The following CROT variants were observed in gnomAD, a reference collection of about 807,000 sequenced individuals.
The protein encoded by CROT is peroxisomal carnitine O-octanoyltransferase.
CROT carries 84 observed loss-of-function variants against 89.2 expected under a neutral mutation model. The ratio of observed to expected loss-of-function variants is 0.94; its 90% CI spans 0.79 to 1.13. CROT has a LOEUF of 1.13. Among genes scored for constraint, CROT ranks in the 50% most tolerant of loss-of-function variants. The pLI is 0.00. For missense variants in CROT, 711 were observed against 727.8 expected, an observed-to-expected ratio of 0.98 and a Z score of 0.27; for synonymous variants, 212 against 239.5, an observed-to-expected ratio of 0.89 and a Z score of 1.06.
At chr7:87,371,470 G>C (rs769986344) in intron 7 of CROT, among the ~76,000 whole-genome samples, 8 of 152,034 alleles carry the variant, frequency 5.3e-5, no homozygotes, top group Non-Finnish European at 1.2e-4. Context: ...TCCATTTGTT[G>C]CTATAACAAA....
intron 3 of CROT, among the ~76,000 whole-genome samples, chr7:87,355,668 C>T (rs1392895184): frequency 6.6e-6 from 1 of 152,080 alleles, no homozygotes; most frequent in East Asian, 1.9e-4. Flanking sequence ...TAGCGAGACA[C>T]AGACAGCAAA....
chr7:87,398,601 C>T lies in CROT; in HGVS notation c.1796C>T (p.Ala599Val). 6.2e-7 allele frequency: 1 copy of T among 1,613,688 alleles called. No individual in the cohort carries two copies. The highest frequency in any genetic ancestry group is 1.7e-4 in the Middle Eastern group (1 of 6,056). Residue 599 changes from alanine to valine, a missense_variant, in exon 18 of 18, where the codon GCT becomes GTT. By Grantham distance (64) the Ala-to-Val change is moderately conservative (BLOSUM62 0). Coordinates refer to ENST00000331536, the MANE Select transcript of CROT (RefSeq NM_021151.4). Reference sequence around the variant, plus strand: ...AAGCTAGTTCAGCTGACTTTTTGTGCTTTTCATGATATGATACAGCTGATG... The same window carrying T: ...AAGCTAGTTCAGCTGACTTTTTGTGTTTTTCATGATATGATACAGCTGATG... ...AEKLVQLTFC[A>V]FHDMIQLMNS...
At chr7:87,374,191 T>C (rs1226917402) in intron 7 of CROT, among the ~76,000 whole-genome samples, 1 of 152,094 alleles carries the variant, frequency 6.6e-6, no homozygotes, top group Non-Finnish European at 1.5e-5. Context: ...GATGTGTAGC[T>C]GAAAAACAGG....
At chr7:87,385,965 G>C (rs976521237) in intron 13 of CROT, among the ~76,000 whole-genome samples, 2 of 152,094 alleles carry the variant, frequency 1.3e-5, no homozygotes, top group African/African-American at 4.8e-5. Context: ...TTATTCTGTT[G>C]ATGTGATATA....
chr7:87,368,570 T>G (rs1172103735), intron 6 of CROT, among the ~76,000 whole-genome samples: 1 of 152,214 alleles, frequency 6.6e-6, no homozygotes, highest in Non-Finnish European at 1.5e-5. Context: ...TCATAGTTGA[T>G]GAAAAGATTT....
chr7:87,361,608 G>A, intron 5 of CROT, 37 bp downstream of exon 5: 1 of 1,553,028 alleles, frequency 6.4e-7, no homozygotes, highest in African/African-American at 1.4e-5. Context: ...AGGCTTACCT[G>A]AAGTCTCAGG....
chr7:87,384,394 T>G (rs936505839), intron 13 of CROT, among the ~76,000 whole-genome samples: 7 of 152,134 alleles, frequency 4.6e-5, no homozygotes, highest in African/African-American at 1.7e-4. Flanking sequence ...TAGCCTGATG[T>G]AGGGGCACAT....
rs1290956668 is a variant in CROT, at chr7:87,399,590, GTAT to G, written c.*950_*952del. On this transcript the variant is annotated 3_prime_UTR_variant, in exon 18 of 18. Coordinates refer to ENST00000331536, the MANE Select transcript of CROT (RefSeq NM_021151.4). ...AAACCGTAACAAAATTCATTGTGGT[GTAT>G]TATAATTAGTTTTGTGAATAGAAAA... 1 of 152,164 alleles carries G rather than the reference GTAT, an allele frequency of 6.6e-6. No individual in the cohort carries two copies. Among genetic ancestry groups the G allele is most frequent in the Non-Finnish European group, 1.5e-5 (1 of 68,016 alleles). 9.4% of individuals were successfully genotyped at this position (152,164 alleles called of 1,614,324 possible). A position where few individuals can be genotyped will look rare whatever the true frequency, so the allele number is the denominator to read the frequency against.
chr7:87,382,589 G>T (rs374007097), intron 13 of CROT, 46 bp downstream of exon 13: 17 of 1,552,770 alleles, frequency 1.1e-5, no homozygotes, highest in African/African-American at 4.2e-5. Flanking sequence ...AAGTCCAAGG[G>T]TATATCTTTT....
At chr7:87,361,369 G>A in intron 4 of CROT, 21 bp from the exon 5 acceptor site, 7 of 1,603,352 alleles carry the variant, frequency 4.4e-6, no homozygotes, top group Non-Finnish European at 6.0e-6. Context: ...ACATTAAGCT[G>A]ATGTTCTCAA....
chr7:87,378,173 G>A (rs1268999953), intron 10 of CROT, among the ~76,000 whole-genome samples: 3 of 151,716 alleles, frequency 2.0e-5, no homozygotes, highest in Non-Finnish European at 4.4e-5. Flanking sequence ...ATGAAACCCC[G>A]TCTCTACAAA....
chr7:87,379,640 C>T (rs1400937790), intron 10 of CROT, among the ~76,000 whole-genome samples: 1 of 152,178 alleles, frequency 6.6e-6, no homozygotes, highest in Non-Finnish European at 1.5e-5. Flanking sequence ...CATAACTGAA[C>T]TGCTTTTTTA....
At position 87,382,405 on chromosome 7, in the gene CROT, C is replaced by G. The variant is rs1807040449; in HGVS notation, c.1171-8C>G. 1 of 1,608,104 alleles carries G rather than the reference C, an allele frequency of 6.2e-7. No individual in the cohort carries two copies. Among genetic ancestry groups the G allele is most frequent in the Non-Finnish European group, 8.5e-7 (1 of 1,178,206 alleles). ...TTTTCACCGTTCTCATTTAATTCTT[C>G]TTGTTAGGCATCTGATCTACAGATT... On this transcript the variant is annotated splice_region_variant and splice_polypyrimidine_tract_variant and intron_variant, in intron 12 of 17. Transcript: ENST00000331536.
Position 87,398,766 on chromosome 7 carries a change from A to G in CROT, c.*122A>G, listed in dbSNP as rs541090724. ...TAACATTCCTTTAACAAGTTAAGAA[A>G]ACTTGTTAAATGTAGAAATTAGTAG... is the stretch of plus-strand genomic sequence containing the variant. On this transcript the variant is annotated 3_prime_UTR_variant, in exon 18 of 18. Coordinates refer to ENST00000331536, the MANE Select transcript of CROT (RefSeq NM_021151.4). The G allele has an allele frequency of 1.4e-5, 13 of 908,366 alleles. No homozygotes were observed. In the South Asian group the frequency reaches 2.2e-4, roughly 16 times the overall value. The allele number at this position is 908,366 out of a possible 1,614,324, so 56.3% of individuals were successfully genotyped here.
intron 9 of CROT, among the ~76,000 whole-genome samples, chr7:87,376,583 AT>A (rs1174233673): frequency 2.6e-5 from 4 of 152,086 alleles, no homozygotes; most frequent in Non-Finnish European, 5.9e-5. Context: ...TCGGTATTAA[AT>A]AATAGGAAAA....
chr7:87,356,154 T>C (rs1806061537), intron 3 of CROT, among the ~76,000 whole-genome samples: 1 of 152,116 alleles, frequency 6.6e-6, no homozygotes, highest in South Asian at 2.1e-4. Context: ...CTAATTTTTG[T>C]ATCTTTTGTA....
At chr7:87,357,686 T>C in intron 3 of CROT, 2 of 634,206 alleles carry the variant, frequency 3.2e-6, no homozygotes, top group South Asian at 3.7e-5. Flanking sequence ...GAAGGCACCA[T>C]CCTTATTTTA....
intron 3 of CROT, among the ~76,000 whole-genome samples, chr7:87,357,179 C>A (rs945227719): frequency 1.3e-5 from 2 of 152,148 alleles, no homozygotes; most frequent in African/African-American, 2.4e-5. Context: ...TGTAAAGCTG[C>A]AGTAAAGCAA....
intron 6 of CROT, among the ~76,000 whole-genome samples, chr7:87,364,562 A>G (rs1299745301): frequency 6.6e-6 from 1 of 152,238 alleles, no homozygotes; most frequent in East Asian, 1.9e-4. Context: ...AAGTGGTGGT[A>G]ACATTTGGAA....
Sources: allele counts gnomAD v4.1 joint callset (sites outside exome capture counted in the v4.1 genomes callset), GRCh38; gene constraint gnomAD v4.1.1; transcripts MANE v1.5; gene names NCBI Gene and HGNC (gene_info 2026-07-23, HGNC 2026-07-21).